The following SHISA9 variants were observed in gnomAD, a reference collection of about 807,000 sequenced individuals.
SHISA9 encodes shisa family member 9.
A neutral mutation model predicts 38.0 loss-of-function variants in SHISA9; 13 were observed. That is an observed-to-expected ratio of 0.34 (90% CI 0.22 to 0.54). SHISA9 has a LOEUF of 0.54. Among genes scored for constraint, SHISA9 ranks in the 20% least tolerant of loss-of-function variants. SHISA9 has a pLI of 0.91. For missense variants in SHISA9, 538 were observed against 575.8 expected, an observed-to-expected ratio of 0.93 and a Z score of 0.67; for synonymous variants, 275 against 242.0, an observed-to-expected ratio of 1.14 and a Z score of -1.27.
chr16:13,332,252 G>A, the SHISA9 span, among the ~76,000 whole-genome samples: 2,289 of 152,268 alleles, frequency 0.015, 65 homozygotes, highest in African/African-American at 0.051. Flanking sequence ...CTCAAGATGT[G>A]AGACTTTCAG....
chr16:13,259,154 G>A, the SHISA9 span, among the ~76,000 whole-genome samples: 8,024 of 152,212 alleles, frequency 0.053, 394 homozygotes, highest in East Asian at 0.29. Context: ...GGAGAAATTG[G>A]CCAAAACAAA....
intron 2 of SHISA9, among the ~76,000 whole-genome samples, chr16:12,962,834 T>G (rs968634379): frequency 2.6e-5 from 4 of 152,210 alleles, no homozygotes; most frequent in African/African-American, 9.6e-5. Context: ...ACATCCCCCT[T>G]CCTAGGTGTA....
intron 2 of SHISA9, among the ~76,000 whole-genome samples, chr16:12,979,993 G>A (rs1260849693): frequency 6.6e-6 from 1 of 152,156 alleles, no homozygotes; most frequent in East Asian, 1.9e-4. Context: ...AGCAGGTTGT[G>A]AATGGGGTTT....
chr16:13,375,473 G>A, the SHISA9 span, among the ~76,000 whole-genome samples: 1 of 152,144 alleles, frequency 6.6e-6, no homozygotes, highest in Non-Finnish European at 1.5e-5. Flanking sequence ...TCAAAGATCA[G>A]GTGGTTGTAG....
At chr16:13,509,510 A>C in the SHISA9 span, among the ~76,000 whole-genome samples, 1 of 152,228 alleles carries the variant, frequency 6.6e-6, no homozygotes, top group African/African-American at 2.4e-5. Flanking sequence ...AGATTATCTT[A>C]GAATACCCAT....
chr16:12,916,395 C>A (rs2071257466), intron 1 of SHISA9, among the ~76,000 whole-genome samples: 1 of 152,140 alleles, frequency 6.6e-6, no homozygotes, highest in African/African-American at 2.4e-5. Flanking sequence ...GGAGTGCAGA[C>A]ACATTATATG....
intron 2 of SHISA9, among the ~76,000 whole-genome samples, chr16:13,055,119 AT>A (rs1163348052): frequency 6.6e-6 from 1 of 152,148 alleles, no homozygotes; most frequent in Non-Finnish European, 1.5e-5. Context: ...CACTCTTAGA[AT>A]TTGTTCTGTT....
chr16:13,281,384 T>G, the SHISA9 span, among the ~76,000 whole-genome samples: 3 of 151,754 alleles, frequency 2.0e-5, no homozygotes, highest in African/African-American at 7.2e-5. Context: ...ATTATTTTAA[T>G]CTCAATCTTT....
At chr16:13,524,367 C>T in the SHISA9 span, among the ~76,000 whole-genome samples, 1 of 152,154 alleles carries the variant, frequency 6.6e-6, no homozygotes, top group African/African-American at 2.4e-5. Flanking sequence ...TGCCCACTGG[C>T]CATATATGTC....
intron 2 of SHISA9, among the ~76,000 whole-genome samples, chr16:13,087,556 T>C (rs542193651): frequency 6.6e-6 from 1 of 152,218 alleles, no homozygotes; most frequent in Non-Finnish European, 1.5e-5. Context: ...TGGTTTTGAT[T>C]TGCATTTCTC....
At chr16:13,461,528 G>A in the SHISA9 span, among the ~76,000 whole-genome samples, 7 of 150,034 alleles carry the variant, frequency 4.7e-5, no homozygotes, top group African/African-American at 1.2e-4. Flanking sequence ...GTAGCGAGCC[G>A]AGACTGTGCC....
At chr16:13,531,612 A>G in the SHISA9 span, among the ~76,000 whole-genome samples, 1 of 152,172 alleles carries the variant, frequency 6.6e-6, no homozygotes, top group African/African-American at 2.4e-5. Context: ...TTCTCCCTCT[A>G]GCTGCTAAAC....
intron 3 of SHISA9, among the ~76,000 whole-genome samples, chr16:13,209,470 T>A (rs2051097773): frequency 1.3e-5 from 2 of 152,330 alleles, no homozygotes; most frequent in South Asian, 4.1e-4. Flanking sequence ...AAGTTCCCCA[T>A]CTTCAGGGTG....
chr16:13,500,777 TCTAA>T, the SHISA9 span, among the ~76,000 whole-genome samples: 4 of 152,090 alleles, frequency 2.6e-5, no homozygotes, highest in Non-Finnish European at 5.9e-5. Context: ...AGAAACTGAC[TCTAA>T]CTAACTAAGG....
chr16:13,173,867 G>A (rs560874888), intron 2 of SHISA9, among the ~76,000 whole-genome samples: 1 of 152,312 alleles, frequency 6.6e-6, no homozygotes, highest in East Asian at 1.9e-4. Flanking sequence ...ACCCAGCTTG[G>A]AGGTTCAGGG....
the SHISA9 span, among the ~76,000 whole-genome samples, chr16:13,343,067 T>C: frequency 3.3e-5 from 5 of 152,250 alleles, no homozygotes; most frequent in East Asian, 9.6e-4. Context: ...AAGCACTCAA[T>C]GCATATTAAC....
intron 2 of SHISA9, among the ~76,000 whole-genome samples, chr16:13,098,133 G>A (rs781517028): frequency 6.6e-6 from 1 of 152,190 alleles, no homozygotes; most frequent in Non-Finnish European, 1.5e-5. Flanking sequence ...ACCAGGGTTA[G>A]TTGACTCCAG....
chr16:13,198,447 CATATT>C (rs2050971565), intron 2 of SHISA9, among the ~76,000 whole-genome samples: 1 of 152,228 alleles, frequency 6.6e-6, no homozygotes, highest in East Asian at 1.9e-4. Flanking sequence ...TACACACATG[CATATT>C]TCTTCTCTCA....
chr16:13,096,939 A>G (rs913759960), intron 2 of SHISA9, among the ~76,000 whole-genome samples: 4 of 152,042 alleles, frequency 2.6e-5, no homozygotes, highest in Non-Finnish European at 2.9e-5. Flanking sequence ...TGTTCCCTAC[A>G]CTATATTCCT....
Sources: allele counts gnomAD v4.1 joint callset (sites outside exome capture counted in the v4.1 genomes callset), GRCh38; gene constraint gnomAD v4.1.1; transcripts MANE v1.5; gene names NCBI Gene and HGNC (gene_info 2026-07-23, HGNC 2026-07-21).